The following SHC3 variants were observed in gnomAD, a reference collection of about 807,000 sequenced individuals.
The protein encoded by SHC3 is SHC-transforming protein 3.
Under a neutral mutation model 60.4 loss-of-function variants are expected in SHC3, and 15 were observed. The observed-to-expected ratio is 0.25, with a 90% CI of 0.17 to 0.38. The LOEUF (loss-of-function observed/expected upper bound fraction) is 0.38. SHC3 is among the 10% of genes least tolerant of loss of function. The pLI is 1.00. For missense variants in SHC3, 677 were observed against 786.1 expected, an observed-to-expected ratio of 0.86 and a Z score of 1.66; for synonymous variants, 294 against 325.9, an observed-to-expected ratio of 0.90 and a Z score of 1.05.
chr9:89,166,409 A>C (rs1168745660), intron 1 of SHC3, among the ~76,000 whole-genome samples: 2 of 152,304 alleles, frequency 1.3e-5, no homozygotes, highest in Non-Finnish European at 2.9e-5. Context: ...TGATGAAGGA[A>C]TACACTAGTG....
intron 6 of SHC3, among the ~76,000 whole-genome samples, chr9:89,055,101 G>A (rs1378270420): frequency 6.6e-6 from 1 of 152,362 alleles, no homozygotes; most frequent in African/African-American, 2.4e-5. Context: ...AGTAGCTGGG[G>A]ATGTGGTGGC....
chr9:89,103,531 C>T (rs1825813584), intron 2 of SHC3, among the ~76,000 whole-genome samples: 1 of 152,140 alleles, frequency 6.6e-6, no homozygotes, highest in Non-Finnish European at 1.5e-5. Flanking sequence ...ATAGCCCAGG[C>T]CTGGACCTTA....
chr9:89,042,259 G>T, intron 9 of SHC3, 75 bp from the exon 10 acceptor site: 4 of 1,438,952 alleles, frequency 2.8e-6, no homozygotes, highest in African/African-American at 1.5e-5. Context: ...TCACAAAGAA[G>T]CTCTTCTGCC....
At chr9:89,044,611 A>G (rs984336829) in intron 9 of SHC3, among the ~76,000 whole-genome samples, 13 of 152,234 alleles carry the variant, frequency 8.5e-5, no homozygotes, top group Admixed American at 5.9e-4. Context: ...GAGAAGGGAA[A>G]AAGGTTAAAA....
At chr9:89,014,837 T>C (rs981773791) in intron 11 of SHC3, among the ~76,000 whole-genome samples, 1 of 152,148 alleles carries the variant, frequency 6.6e-6, no homozygotes, top group African/African-American at 2.4e-5. Flanking sequence ...CAGGTGTGCA[T>C]ATTGGAAATC....
At chr9:89,044,819 T>C (rs1427224455) in intron 9 of SHC3, among the ~76,000 whole-genome samples, 1 of 152,256 alleles carries the variant, frequency 6.6e-6, no homozygotes, top group African/African-American at 2.4e-5. Context: ...TAGACAGTTA[T>C]ATCGACATTA....
At chr9:89,167,006 G>T (rs930423439) in intron 1 of SHC3, among the ~76,000 whole-genome samples, 2 of 152,140 alleles carry the variant, frequency 1.3e-5, no homozygotes, top group African/African-American at 4.8e-5. Flanking sequence ...TGGCAGCAGG[G>T]CAGTGGCTCT....
chr9:89,115,494 T>C (rs1176627654), intron 1 of SHC3, among the ~76,000 whole-genome samples: 1 of 152,202 alleles, frequency 6.6e-6, no homozygotes, highest in Non-Finnish European at 1.5e-5. Flanking sequence ...CATGGGTTCA[T>C]GTGAATACCA....
Position 89,008,631 on chromosome 9 carries a change from T to A in SHC3, c.*4816A>T, listed in dbSNP as rs902417222. The A allele has an allele frequency of 6.6e-6, 1 of 152,232 alleles. No individual in the cohort carries two copies. The highest frequency in any genetic ancestry group is 1.5e-5 in the Non-Finnish European group (1 of 68,098). The allele number at this position is 152,232 out of a possible 1,614,324, so 9.4% of individuals were successfully genotyped here. On this transcript the variant is annotated 3_prime_UTR_variant, in exon 12 of 12. Coordinates refer to ENST00000375835, the MANE Select transcript of SHC3 (RefSeq NM_016848.6). ...GAACGCCTGTCTCAGCTCAGGGACA[T>A]CCCCGGCTTAGGAAGTATGCTCAGG...
At chr9:89,117,184 C>A (rs1000886734) in intron 1 of SHC3, among the ~76,000 whole-genome samples, 6 of 152,186 alleles carry the variant, frequency 3.9e-5, no homozygotes, top group Non-Finnish European at 1.5e-5. Context: ...GCAACACCAC[C>A]TTTGCAGTGA....
Position 89,009,474 on chromosome 9 carries a change from G to A in SHC3, c.*3973C>T, listed in dbSNP as rs1825986816. 1.3e-5 allele frequency: 2 copies of A among 152,242 alleles called. No individual in the cohort carries two copies. The highest frequency in any genetic ancestry group is 2.4e-5 in the African/African-American group (1 of 41,456). 9.4% of individuals were successfully genotyped at this position (152,242 alleles called of 1,614,324 possible). ...AGCACACAAAGTTGGGCCAGCGAGA[G>A]AGAACCAATGGGCACGCTGGGAATG... On this transcript the variant is annotated 3_prime_UTR_variant, in exon 12 of 12. Transcript: ENST00000375835.
chr9:89,058,749 T>C (rs1825002356), intron 6 of SHC3, among the ~76,000 whole-genome samples: 2 of 138,652 alleles, frequency 1.4e-5, no homozygotes, highest in Non-Finnish European at 3.1e-5. Context: ...AGGGCGGTGG[T>C]GGAGGATGGT....
chr9:89,057,828 G>C (rs1422428276), intron 6 of SHC3, among the ~76,000 whole-genome samples: 1 of 152,182 alleles, frequency 6.6e-6, no homozygotes, highest in Non-Finnish European at 1.5e-5. Flanking sequence ...TGACCATCTG[G>C]AACCTGTGGA....
Position 89,007,351 on chromosome 9 carries a change from C to T in SHC3, c.*6096G>A, listed in dbSNP as rs998290712. 1.3e-5 allele frequency: 2 copies of T among 152,274 alleles called. No homozygotes were observed. The highest frequency in any genetic ancestry group is 4.1e-4 in the South Asian group (2 of 4,824). 9.4% of individuals were successfully genotyped at this position (152,274 alleles called of 1,614,324 possible). ...GGGCACTCCACCCTTGCTGGTTCTA[C>T]TTTACTTGGACACACGGGTACCTTA... On this transcript the variant is annotated 3_prime_UTR_variant, in exon 12 of 12. Transcript: ENST00000375835.
intron 11 of SHC3, among the ~76,000 whole-genome samples, chr9:89,031,529 A>G (rs116119486): frequency 0.018 from 2,769 of 152,240 alleles, 82 homozygotes; most frequent in African/African-American, 0.063. Context: ...ACTTAGCATA[A>G]TGTTTTCAAG....
intron 2 of SHC3, among the ~76,000 whole-genome samples, chr9:89,104,867 A>T (rs1162099235): frequency 6.6e-6 from 1 of 151,924 alleles, no homozygotes; most frequent in Admixed American, 6.6e-5. Flanking sequence ...TTTAAAGAAG[A>T]TTTCTATGTT....
rs1406292880 is a variant in SHC3, at chr9:89,006,079, C to A, written c.*7368G>T. The A allele has an allele frequency of 6.6e-6, 1 of 152,204 alleles. No individual in the cohort carries two copies. The highest frequency in any genetic ancestry group is 1.5e-5 in the Non-Finnish European group (1 of 68,036). 9.4% of individuals were successfully genotyped at this position (152,204 alleles called of 1,614,324 possible). ...CACACCACTGTTCTGATAATAAAGG[C>A]ACATTTTCCAATAACCAATTATAAC... On this transcript the variant is annotated 3_prime_UTR_variant, in exon 12 of 12. Transcript: ENST00000375835.
chr9:89,068,660 A>G (rs1033160040), intron 5 of SHC3, among the ~76,000 whole-genome samples: 1 of 151,520 alleles, frequency 6.6e-6, no homozygotes, highest in Admixed American at 6.6e-5. Flanking sequence ...AATGTTTCCA[A>G]TTTTTTTTAA....
chr9:89,132,288 T>C (rs566204006), intron 1 of SHC3, among the ~76,000 whole-genome samples: 6 of 152,204 alleles, frequency 3.9e-5, no homozygotes, highest in Non-Finnish European at 7.4e-5. Flanking sequence ...GAACATTCCA[T>C]GCTCATGGAT....
Sources: gnomAD v4.1 joint callset for allele counts (sites outside exome capture counted in the v4.1 genomes callset) on GRCh38, gnomAD v4.1.1 for gene constraint, MANE v1.5 for transcripts, NCBI Gene and HGNC (gene_info 2026-07-23, HGNC 2026-07-21) for gene names.